Variants in CNBD2 observed in about 807,000 individuals in gnomAD.
CNBD2 encodes cyclic nucleotide binding domain containing 2, also known as cyclic nucleotide-binding domain-containing protein 2.
CNBD2 carries 64 observed loss-of-function variants against 63.7 expected under a neutral mutation model. The ratio of observed to expected loss-of-function variants is 1.00; its 90% confidence interval spans 0.82 to 1.24. The LOEUF (loss-of-function observed/expected upper bound fraction) is 1.24. CNBD2 is among the 50% of genes most tolerant of loss of function. CNBD2 has a pLI of 0.00. For missense variants in CNBD2, 691 were observed against 713.5 expected (o/e 0.97, Z 0.36); for synonymous variants, 229 against 255.4 (o/e 0.90, Z 0.99).
intron 8 of CNBD2, among the ~76,000 whole-genome samples, chr20:36,001,151 A>C (rs1298550574): frequency 6.6e-6 from 1 of 151,938 alleles, no homozygotes; most frequent in African/African-American, 2.4e-5. Flanking sequence ...CTACACAGAC[A>C]CGGCAACCAT....
At position 36,005,755 on chromosome 20, in the gene CNBD2, C is replaced by T. The variant is rs560777683; in HGVS notation, c.971-2542C>T. Among the ~76,000 whole-genome samples the T allele has an allele frequency of 5.3e-5, 8 of 151,732 alleles. No individual in the cohort carries two copies. The South Asian group carries it at 1.7e-3, about 32-fold the overall frequency. On this transcript the variant is annotated intron_variant, in intron 8 of 11. Transcript: ENST00000373973. ...CACGAGGTCAGGAGATCGAGATCAT[C>T]CTGGCTAACACGGTGAAACGCTGTC... is the stretch of plus-strand genomic sequence containing the variant.
intron 2 of CNBD2, chr20:35,974,530 G>C (rs2056471914): frequency 6.5e-6 from 1 of 154,064 alleles, no homozygotes; most frequent in Non-Finnish European, 1.5e-5. Flanking sequence ...GCCTATAAGG[G>C]TCATAGGGTT....
intron 8 of CNBD2, among the ~76,000 whole-genome samples, chr20:36,005,493 G>A (rs1233658017): frequency 1.3e-5 from 2 of 152,134 alleles, no homozygotes; most frequent in Admixed American, 6.6e-5. Flanking sequence ...CAGGGGATTG[G>A]GGACCCCTGA....
At chr20:35,998,293 G>A (rs1156885080) in intron 8 of CNBD2, among the ~76,000 whole-genome samples, 3 of 151,656 alleles carry the variant, frequency 2.0e-5, no homozygotes, top group African/African-American at 4.8e-5. Flanking sequence ...TGCCTGCCTC[G>A]GCCTCCCAAA....
intron 2 of CNBD2, among the ~76,000 whole-genome samples, chr20:35,962,121 A>G (rs2056313546): frequency 6.6e-6 from 1 of 152,170 alleles, no homozygotes; most frequent in Non-Finnish European, 1.5e-5. Flanking sequence ...ATTGCCGCAC[A>G]GGCTGATGTG....
chr20:35,989,844 G>A (rs2056718378), intron 7 of CNBD2, among the ~76,000 whole-genome samples: 1 of 120,992 alleles, frequency 8.3e-6, no homozygotes, highest in Non-Finnish European at 1.6e-5. Flanking sequence ...CTATCTCTAA[G>A]AAAGAAAGAC....
intron 8 of CNBD2, among the ~76,000 whole-genome samples, chr20:35,998,954 CT>C (rs1366165604): frequency 6.7e-6 from 1 of 149,600 alleles, no homozygotes; most frequent in Non-Finnish European, 1.5e-5. Flanking sequence ...TATTTTTCTC[CT>C]TGTATTTCTG....
At chr20:35,999,068 A>T (rs1294150767) in intron 8 of CNBD2, among the ~76,000 whole-genome samples, 1 of 152,118 alleles carries the variant, frequency 6.6e-6, no homozygotes, top group East Asian at 1.9e-4. Context: ...CCCTGGTAAT[A>T]TTCTTTGCTC....
intron 7 of CNBD2, among the ~76,000 whole-genome samples, chr20:35,992,033 A>C (rs1220871331): frequency 6.6e-6 from 1 of 152,078 alleles, no homozygotes; most frequent in Non-Finnish European, 1.5e-5. Context: ...GGTGCCCGCC[A>C]CCAGGCCTGG....
At chr20:35,984,573 A>T (rs1290342257) in intron 5 of CNBD2, 54 bp from the exon 6 acceptor site, 1 of 1,590,578 alleles carries the variant, frequency 6.3e-7, no homozygotes, top group African/African-American at 1.3e-5. Flanking sequence ...TGTAAGGCTG[A>T]GGACAGGAAG....
chr20:36,004,505 G>A (rs1383648099), intron 8 of CNBD2, among the ~76,000 whole-genome samples: 2 of 151,990 alleles, frequency 1.3e-5, no homozygotes, highest in Admixed American at 6.6e-5. Context: ...CAGTAGTAGG[G>A]CTCACCTCAT....
intron 8 of CNBD2, among the ~76,000 whole-genome samples, chr20:36,005,997 T>C (rs1022534039): frequency 6.6e-6 from 1 of 151,870 alleles, no homozygotes; most frequent in African/African-American, 2.4e-5. Context: ...AAGACATTAA[T>C]TTGAAGAGTT....
At chr20:36,000,753 A>ATTTTTTTTTTTT (rs34139279) in intron 8 of CNBD2, among the ~76,000 whole-genome samples, 3 of 121,624 alleles carry the variant, frequency 2.5e-5, no homozygotes, top group African/African-American at 3.3e-5. Context: ...TGTGTATGAA[A>ATTTTTTTTTTTT]TTTTTTTTTT....
intron 10 of CNBD2, among the ~76,000 whole-genome samples, chr20:36,014,001 G>T (rs2057099906): frequency 6.6e-6 from 1 of 151,926 alleles, no homozygotes; most frequent in Admixed American, 6.6e-5. Flanking sequence ...CTAACACAGT[G>T]AAACCCCGTC....
chr20:35,962,694 A>G (rs1227044756), intron 2 of CNBD2, among the ~76,000 whole-genome samples: 1 of 152,256 alleles, frequency 6.6e-6, no homozygotes, highest in Non-Finnish European at 1.5e-5. Context: ...ATGTTAACAT[A>G]ATGAATTATG....
rs111493744 is a variant in CNBD2 at position 36,003,874 on chromosome 20, GA to G, written c.971-4408del. ...TGGAAAACATAGCTGGACTCCATCT[GA>G]AAAAAAAAAAAAAATCTCTTGAGGT... On this transcript the variant is annotated intron_variant, in intron 8 of 11. Transcript: ENST00000373973. 4.0e-3 allele frequency among the ~76,000 whole-genome samples: 554 copies of G among 138,428 alleles called. 3 individuals carry two copies. The highest frequency in any genetic ancestry group is 0.012 in the South Asian group (53 of 4,306). The allele number at this position is 138,428 out of a possible 152,430, so 90.8% of individuals were successfully genotyped here. A position where few individuals can be genotyped will look rare whatever the true frequency, so the allele number is the denominator to read the frequency against.
At chr20:35,985,902 C>T (rs2056661575) in intron 6 of CNBD2, among the ~76,000 whole-genome samples, 1 of 152,186 alleles carries the variant, frequency 6.6e-6, no homozygotes, top group Non-Finnish European at 1.5e-5. Context: ...TACTATAATC[C>T]TTATGTTGTC....
upstream of CNBD2, among the ~76,000 whole-genome samples, chr20:35,964,336 A>G (rs900189434): frequency 1.3e-5 from 2 of 151,704 alleles, no homozygotes; most frequent in Admixed American, 6.6e-5. Flanking sequence ...CCGCGCCACC[A>G]TGCCCGGCTA....
At chr20:35,979,769 C>A (rs773509800) in intron 3 of CNBD2, among the ~76,000 whole-genome samples, 5 of 152,094 alleles carry the variant, frequency 3.3e-5, no homozygotes, top group African/African-American at 4.8e-5. Context: ...ACAAATATTC[C>A]AGGCAGAAAA....
Sources: gnomAD v4.1 joint callset for allele counts (sites outside exome capture counted in the v4.1 genomes callset) on GRCh38, gnomAD v4.1.1 for gene constraint, MANE v1.5 for transcripts, NCBI Gene and HGNC (gene_info 2026-07-23, HGNC 2026-07-21) for gene names.